The following TEKT5 variants were observed in gnomAD, a reference collection of about 807,000 sequenced individuals.
The protein encoded by TEKT5 is tektin 5, also known as tektin-5.
Under a neutral mutation model 48.7 loss-of-function variants are expected in TEKT5, and 52 were observed. The observed-to-expected ratio is 1.07, with a 90% CI of 0.86 to 1.35. The LOEUF (loss-of-function observed/expected upper bound fraction) is 1.35, where lower values mean the gene tolerates loss of function less well. Among genes scored for constraint, TEKT5 ranks in the 40% most tolerant of loss-of-function variants. The pLI is 0.00. For synonymous variants in TEKT5, 318 were observed against 267.6 expected (o/e 1.19, Z -1.84); for missense variants, 831 against 641.6 (o/e 1.30, Z -3.19).
At chr16:10,662,870 G>T (rs950106502) in intron 5 of TEKT5, among the ~76,000 whole-genome samples, 4 of 152,174 alleles carry the variant, frequency 2.6e-5, no homozygotes, top group African/African-American at 9.7e-5. Context: ...TTCATGGGAG[G>T]GAAAGATAAG....
chr16:10,652,193 G>A (rs765184695), intron 5 of TEKT5, among the ~76,000 whole-genome samples: 1 of 152,050 alleles, frequency 6.6e-6, no homozygotes, highest in Non-Finnish European at 1.5e-5. Flanking sequence ...GAAAACCTTA[G>A]CAAGTATGGA....
At chr16:10,633,316 G>A (rs952870871) in intron 6 of TEKT5, among the ~76,000 whole-genome samples, 3 of 152,046 alleles carry the variant, frequency 2.0e-5, no homozygotes, top group African/African-American at 4.8e-5. Context: ...AGCCAAGATC[G>A]TGCCACTGCA....
Position 10,681,555 on chromosome 16 carries a change from C to T in TEKT5, c.863+438G>A, listed in dbSNP as rs539034239. Among the ~76,000 whole-genome samples the T allele has an allele frequency of 1.6e-3, 239 of 152,198 alleles. 1 individual carries two copies. Among genetic ancestry groups the T allele is most frequent in the African/African-American group, 5.5e-3 (230 of 41,508 alleles). Reference sequence around the variant, plus strand: ...TTAAACCACCCCGCCACCAGCCGACCCCAGTTGGTCTCCCTGCCGAGGTTG... The same window carrying T: ...TTAAACCACCCCGCCACCAGCCGACTCCAGTTGGTCTCCCTGCCGAGGTTG... On this transcript the variant is annotated intron_variant, in intron 4 of 6. Transcript: ENST00000283025.
chr16:10,642,411 A>G lies in TEKT5; in HGVS notation c.1087-6493T>C, dbSNP rs147243326. Among the ~76,000 whole-genome samples, 1,149 of 152,094 alleles carry G rather than the reference A, an allele frequency of 7.6e-3. 22 individuals carry two copies. Among genetic ancestry groups the G allele is most frequent in the African/African-American group, 0.023 (959 of 41,496 alleles). On this transcript the variant is annotated intron_variant, in intron 5 of 6. Transcript: ENST00000283025. ...GTCCCTCTCCCCCAGAGCCCACTGAAATGATCCTCATTAGCCATTCCTAAG... is the reference window on the plus strand; with the variant it reads ...GTCCCTCTCCCCCAGAGCCCACTGAGATGATCCTCATTAGCCATTCCTAAG...
At chr16:10,689,886 C>G in intron 2 of TEKT5, 56 bp downstream of exon 2, 1 of 1,564,958 alleles carries the variant, frequency 6.4e-7, no homozygotes, top group South Asian at 1.1e-5. Flanking sequence ...ATTTCTCTGA[C>G]CTGCTGGCCT....
At chr16:10,693,107 G>C (rs755833900) in intron 1 of TEKT5, 1 of 152,236 alleles carries the variant, frequency 6.6e-6, no homozygotes, top group Non-Finnish European at 1.5e-5. Flanking sequence ...TGTTTGTTTT[G>C]TTTTTTGAGA....
intron 5 of TEKT5, among the ~76,000 whole-genome samples, chr16:10,644,597 T>C (rs779765191): frequency 3.9e-5 from 6 of 152,162 alleles, no homozygotes; most frequent in Non-Finnish European, 8.8e-5. Flanking sequence ...CTGGATCTAT[T>C]TGTCTGCATG....
At chr16:10,691,649 A>C (rs1898979334) in intron 1 of TEKT5, among the ~76,000 whole-genome samples, 1 of 152,080 alleles carries the variant, frequency 6.6e-6, no homozygotes, top group Non-Finnish European at 1.5e-5. Flanking sequence ...TCCGGAATTA[A>C]GATGTTAATT....
At chr16:10,650,681 C>T (rs1189034835) in intron 5 of TEKT5, among the ~76,000 whole-genome samples, 2 of 151,680 alleles carry the variant, frequency 1.3e-5, no homozygotes, top group South Asian at 4.2e-4. Context: ...GTCAGGAGTT[C>T]GAGACCAGCC....
chr16:10,668,081 G>A (rs764459574), intron 5 of TEKT5, among the ~76,000 whole-genome samples: 5 of 152,154 alleles, frequency 3.3e-5, no homozygotes, highest in African/African-American at 4.8e-5. Context: ...GTTTCACCAT[G>A]TTGGCCAGGC....
At chr16:10,640,240 T>C (rs1300974319) in intron 5 of TEKT5, among the ~76,000 whole-genome samples, 1 of 150,624 alleles carries the variant, frequency 6.6e-6, no homozygotes, top group African/African-American at 2.4e-5. Flanking sequence ...CCTCCCGGGC[T>C]CCAGTGATCC....
At chr16:10,670,681 G>T (rs1020198692) in intron 5 of TEKT5, among the ~76,000 whole-genome samples, 1 of 152,144 alleles carries the variant, frequency 6.6e-6, no homozygotes. Flanking sequence ...TCAGGAAAAT[G>T]TCAATAGCGT....
intron 5 of TEKT5, among the ~76,000 whole-genome samples, chr16:10,655,467 T>C (rs1898246062): frequency 6.6e-6 from 1 of 152,218 alleles, no homozygotes; most frequent in Non-Finnish European, 1.5e-5. Flanking sequence ...AGGATTATTG[T>C]GAGGGTTATG....
At chr16:10,670,857 T>TTTTA (rs199906550) in intron 5 of TEKT5, among the ~76,000 whole-genome samples, 2,518 of 151,878 alleles carry the variant, frequency 0.017, 70 homozygotes, top group African/African-American at 0.055. Flanking sequence ...GAATTTTTAT[T>TTTTA]TTTATTTATT....
chr16:10,673,118 T>C lies in TEKT5; in HGVS notation c.1086+2841A>G, dbSNP rs73511784. Among the ~76,000 whole-genome samples the C allele has an allele frequency of 6.2e-4, 95 of 152,240 alleles. 2 individuals carry two copies. The highest frequency in any genetic ancestry group is 2.2e-3 in the African/African-American group (90 of 41,528). On this transcript the variant is annotated intron_variant, in intron 5 of 6. Coordinates refer to ENST00000283025, the MANE Select transcript of TEKT5 (RefSeq NM_144674.2). ...AGGGTCAGTGCTTCTAGCCAAAAGA[T>C]ATGAGATGGAAGGAGCAATGAAAAC... is the stretch of plus-strand genomic sequence containing the variant.
At chr16:10,629,779 G>A (rs1897811082) in intron 6 of TEKT5, among the ~76,000 whole-genome samples, 1 of 152,086 alleles carries the variant, frequency 6.6e-6, no homozygotes, top group South Asian at 2.1e-4. Context: ...TGGCTTGGCT[G>A]ACTCAGGTAC....
At chr16:10,671,208 T>C (rs997286439) in intron 5 of TEKT5, among the ~76,000 whole-genome samples, 1 of 152,234 alleles carries the variant, frequency 6.6e-6, no homozygotes, top group Non-Finnish European at 1.5e-5. Flanking sequence ...TAGAAATTCT[T>C]ATCCCTGTTT....
chr16:10,667,654 C>T (rs1898480743), intron 5 of TEKT5, among the ~76,000 whole-genome samples: 1 of 152,162 alleles, frequency 6.6e-6, no homozygotes, highest in Admixed American at 6.5e-5. Flanking sequence ...TTTCTTTTAA[C>T]ATTCCCAAAT....
chr16:10,680,457 A>AT (rs58130091), intron 4 of TEKT5, among the ~76,000 whole-genome samples: 160 of 147,412 alleles, frequency 1.1e-3, no homozygotes, highest in South Asian at 1.7e-3. Flanking sequence ...TGTGCTAGGG[A>AT]TTTTTTTTTT....
Sources: allele counts gnomAD v4.1 joint callset (sites outside exome capture counted in the v4.1 genomes callset), GRCh38; gene constraint gnomAD v4.1.1; transcripts MANE v1.5; gene names NCBI Gene and HGNC (gene_info 2026-07-23, HGNC 2026-07-21).